GRID2: variants seen among roughly 807,000 people sequenced by gnomAD.
GRID2 encodes glutamate receptor ionotropic, delta-2.
A neutral mutation model predicts 114.8 loss-of-function variants in GRID2; 33 were observed. The observed-to-expected ratio is 0.29, with a 90% CI of 0.22 to 0.38. The LOEUF (loss-of-function observed/expected upper bound fraction) is 0.38, where lower values mean the gene tolerates loss of function less well. Ranked by LOEUF, GRID2 falls within the 10% of genes least tolerant of loss-of-function variation. GRID2 has a pLI of 1.00. For synonymous variants in GRID2, 505 were observed against 449.9 expected (o/e 1.12, Z -1.55); for missense variants, 1,184 against 1,257.7 (o/e 0.94, Z 0.89).
At chr4:92,551,518 A>G (rs1560706356) in intron 1 of GRID2, among the ~76,000 whole-genome samples, 1 of 152,278 alleles carries the variant, frequency 6.6e-6, no homozygotes, top group South Asian at 2.1e-4. Flanking sequence ...TCAGAGATAG[A>G]TAAATTCTAT....
intron 13 of GRID2, among the ~76,000 whole-genome samples, chr4:93,611,356 G>C (rs1473634459): frequency 6.2e-5 from 6 of 96,466 alleles, no homozygotes; most frequent in East Asian, 2.6e-4. Context: ...CCTTCTGCTA[G>C]CTTTTGAATG....
At chr4:93,555,116 A>T (rs1245649922) in intron 13 of GRID2, among the ~76,000 whole-genome samples, 1 of 152,142 alleles carries the variant, frequency 6.6e-6, no homozygotes, top group Non-Finnish European at 1.5e-5. Flanking sequence ...CAACCTGCAG[A>T]CCAGGAGATT....
intron 1 of GRID2, among the ~76,000 whole-genome samples, chr4:92,401,617 T>C (rs773048304): frequency 1.3e-5 from 2 of 152,212 alleles, no homozygotes; most frequent in Non-Finnish European, 2.9e-5. Flanking sequence ...TACAATATAC[T>C]GTAGTATATT....
chr4:93,679,375 A>C (rs1157448560), intron 14 of GRID2, among the ~76,000 whole-genome samples: 2 of 150,928 alleles, frequency 1.3e-5, no homozygotes, highest in Non-Finnish European at 2.9e-5. Flanking sequence ...TCAACGAGAC[A>C]GAAAGTTAAC....
At chr4:92,555,472 G>A (rs1377112153) in intron 1 of GRID2, among the ~76,000 whole-genome samples, 1 of 152,130 alleles carries the variant, frequency 6.6e-6, no homozygotes, top group Non-Finnish European at 1.5e-5. Context: ...TGTTCAGGAT[G>A]ATAACAGATT....
intron 1 of GRID2, among the ~76,000 whole-genome samples, chr4:92,537,658 A>G (rs944843638): frequency 7.0e-4 from 106 of 152,274 alleles, no homozygotes; most frequent in Non-Finnish European, 1.5e-4. Flanking sequence ...TCTGCAAGCA[A>G]TTCTAAATAG....
intron 2 of GRID2, among the ~76,000 whole-genome samples, chr4:92,951,544 T>A (rs1218128498): frequency 6.6e-6 from 1 of 151,994 alleles, no homozygotes; most frequent in East Asian, 1.9e-4. Context: ...GGTTTCAACA[T>A]GTTGCCCAGG....
intron 8 of GRID2, among the ~76,000 whole-genome samples, chr4:93,325,623 G>A (rs1177945142): frequency 6.6e-6 from 1 of 151,836 alleles, no homozygotes. Flanking sequence ...ATTACTAGAA[G>A]TTCTCCCTCT....
chr4:93,212,934 G>A (rs1416220771), intron 5 of GRID2, among the ~76,000 whole-genome samples: 2 of 151,764 alleles, frequency 1.3e-5, no homozygotes, highest in African/African-American at 2.4e-5. Flanking sequence ...CACCACGCCT[G>A]GCTAATTTTT....
chr4:92,940,675 G>T (rs1751046321), intron 2 of GRID2, among the ~76,000 whole-genome samples: 1 of 152,170 alleles, frequency 6.6e-6, no homozygotes, highest in East Asian at 1.9e-4. Context: ...TCCAGGTTTT[G>T]CCCATTCAGT....
At chr4:93,803,482 G>A (rs1734973302) in intron 1 of GRID2, among the ~76,000 whole-genome samples, 1 of 152,088 alleles carries the variant, frequency 6.6e-6, no homozygotes, top group Admixed American at 6.5e-5. Flanking sequence ...CCAGCACTTT[G>A]GGAGGCCAAG....
At chr4:93,546,982 T>G (rs896236878) in intron 13 of GRID2, among the ~76,000 whole-genome samples, 2 of 152,160 alleles carry the variant, frequency 1.3e-5, no homozygotes, top group African/African-American at 4.8e-5. Context: ...TCATGATGTC[T>G]AGGGTCTTTC....
chr4:93,536,513 A>T (rs559984844), intron 13 of GRID2, among the ~76,000 whole-genome samples: 66 of 151,968 alleles, frequency 4.3e-4, no homozygotes, highest in African/African-American at 1.4e-3. Context: ...AGAGAATGAA[A>T]CTGAATCCTT....
At chr4:92,840,443 T>C (rs1352009911) in intron 2 of GRID2, among the ~76,000 whole-genome samples, 1 of 152,058 alleles carries the variant, frequency 6.6e-6, no homozygotes, top group Non-Finnish European at 1.5e-5. Context: ...AAAGTGATTT[T>C]CTATGGTGAT....
intron 2 of GRID2, among the ~76,000 whole-genome samples, chr4:92,982,102 G>A (rs1244778594): frequency 1.3e-5 from 2 of 150,566 alleles, no homozygotes; most frequent in Non-Finnish European, 3.0e-5. Flanking sequence ...TGATAAGTAG[G>A]AGTCTCATTT....
chr4:93,271,908 G>A (rs1007999867), intron 8 of GRID2, among the ~76,000 whole-genome samples: 1 of 152,068 alleles, frequency 6.6e-6, no homozygotes, highest in Admixed American at 6.6e-5. Flanking sequence ...AATTTTACAT[G>A]TATTCTCTTA....
chr4:92,920,460 T>G (rs1252739002), intron 2 of GRID2, among the ~76,000 whole-genome samples: 6 of 152,206 alleles, frequency 3.9e-5, no homozygotes, highest in African/African-American at 7.2e-5. Flanking sequence ...CTTTACAATT[T>G]GGCATGTTTT....
At chr4:93,078,551 A>C (rs1408297420) in intron 2 of GRID2, among the ~76,000 whole-genome samples, 1 of 150,794 alleles carries the variant, frequency 6.6e-6, no homozygotes, top group Non-Finnish European at 1.5e-5. Flanking sequence ...TTACTAAAAT[A>C]AAAAGATAAA....
chr4:92,919,668 G>A (rs977352385), intron 2 of GRID2, among the ~76,000 whole-genome samples: 1 of 152,182 alleles, frequency 6.6e-6, no homozygotes, highest in Admixed American at 6.5e-5. Flanking sequence ...GGTTTTGAGT[G>A]AGTTTCTTAA....
Sources: gnomAD v4.1 joint callset for allele counts (sites outside exome capture counted in the v4.1 genomes callset) on GRCh38, gnomAD v4.1.1 for gene constraint, MANE v1.5 for transcripts, NCBI Gene and HGNC (gene_info 2026-07-23, HGNC 2026-07-21) for gene names.